KANK1: variants seen among roughly 807,000 people sequenced by gnomAD.
KANK1 encodes the protein KN motif and ankyrin repeat domains 1, also known as KN motif and ankyrin repeat domain-containing protein 1.
In KANK1, 109 loss-of-function variants were observed where a neutral mutation model predicts 106.2. The ratio of observed to expected loss-of-function variants is 1.03; its 90% CI spans 0.88 to 1.20. KANK1 has a LOEUF of 1.20. Ranked by LOEUF, KANK1 falls within the 50% of genes most tolerant of loss-of-function variation. The probability of loss-of-function intolerance (pLI) is 0.00; values close to 1 mark genes in which losing one functional copy is unlikely to be tolerated. For missense variants in KANK1, 2,399 were observed against 1,710.7 expected (o/e 1.40, Z -7.10); for synonymous variants, 873 against 652.2 (o/e 1.34, Z -5.16).
chr9:528,522 C>T (rs113498221), intron 1 of KANK1, among the ~76,000 whole-genome samples: 24 of 139,944 alleles, frequency 1.7e-4, no homozygotes, highest in African/African-American at 5.6e-4. Context: ...CACTCTGTCA[C>T]CCAGGCTGGA....
intron 1 of KANK1, among the ~76,000 whole-genome samples, chr9:604,088 A>AC (rs1828476834): frequency 6.6e-6 from 1 of 151,616 alleles, no homozygotes; most frequent in South Asian, 2.1e-4. Flanking sequence ...AAGTTGGGGT[A>AC]CCAGTTCATA....
Position 671,519 on chromosome 9 carries a change from G to A in KANK1, c.-83-5371G>A. On this transcript the variant is annotated intron_variant, in intron 1 of 11. Transcript: ENST00000382297. Reference sequence around the variant, plus strand: ...ATTAGCTGGACGTGGTGGAGGCTGAGGCAGGAGAATGGCGTGAACCCGGGA... The same window carrying A: ...ATTAGCTGGACGTGGTGGAGGCTGAAGCAGGAGAATGGCGTGAACCCGGGA... 3.8e-4 allele frequency among the ~76,000 whole-genome samples: 3 copies of A among 7,874 alleles called. No individual in the cohort carries two copies. In the South Asian group the frequency reaches 0.015, roughly 40 times the overall value. The allele number at this position is 7,874 out of a possible 152,430, so 5.2% of individuals were successfully genotyped here. A position where few individuals can be genotyped will look rare whatever the true frequency, so the allele number is the denominator to read the frequency against.
chr9:714,789 T>A (rs1827241222), intron 3 of KANK1, among the ~76,000 whole-genome samples: 1 of 152,130 alleles, frequency 6.6e-6, no homozygotes, highest in Non-Finnish European at 1.5e-5. Context: ...TTACAGTAAT[T>A]CCCTGTGAGC....
At chr9:744,424 G>A (rs1589383305) in intron 10 of KANK1, 67 bp from the exon 11 acceptor site, 2 of 1,543,552 alleles carry the variant, frequency 1.3e-6, no homozygotes, top group Non-Finnish European at 1.8e-6. Flanking sequence ...GTTTTGTTCT[G>A]TTACCTTTCG....
intron 1 of KANK1, among the ~76,000 whole-genome samples, chr9:600,497 A>G (rs72689662): frequency 0.059 from 8,926 of 151,964 alleles, 421 homozygotes; most frequent in African/African-American, 0.093. Flanking sequence ...TAACATACGT[A>G]ATAATCTAAA....
intron 2 of KANK1, chr9:693,831 T>C (rs540202077): frequency 4.6e-5 from 45 of 984,236 alleles, no homozygotes; most frequent in Admixed American, 6.1e-5. Context: ...GAGAGCATGA[T>C]GTTTGGGTGG....
chr9:694,257 T>G (rs1416205786), intron 2 of KANK1, among the ~76,000 whole-genome samples: 1 of 152,210 alleles, frequency 6.6e-6, no homozygotes, highest in Non-Finnish European at 1.5e-5. Context: ...ACTGTAATGT[T>G]TTGTTAGAAA....
At chr9:683,409 A>G (rs1041669577) in intron 2 of KANK1, among the ~76,000 whole-genome samples, 15 of 152,184 alleles carry the variant, frequency 9.9e-5, no homozygotes, top group African/African-American at 3.6e-4. Flanking sequence ...GCACGTAGGT[A>G]AGAACTAAAA....
intron 1 of KANK1, among the ~76,000 whole-genome samples, chr9:672,072 C>T (rs911809992): frequency 6.6e-6 from 1 of 152,226 alleles, no homozygotes; most frequent in African/African-American, 2.4e-5. Flanking sequence ...ATATGCATCA[C>T]TCATTTATGC....
At chr9:742,484 G>C in intron 10 of KANK1, 79 bp downstream of exon 10, 2 of 1,122,166 alleles carry the variant, frequency 1.8e-6, no homozygotes, top group Admixed American at 2.3e-5. Flanking sequence ...CTTTTGGCCA[G>C]GAGCGACCAA....
chr9:651,854 C>T (rs1316380307), intron 1 of KANK1, among the ~76,000 whole-genome samples: 1 of 152,110 alleles, frequency 6.6e-6, no homozygotes, highest in African/African-American at 2.4e-5. Flanking sequence ...ATATAAATTG[C>T]TCTGAGCCAG....
At chr9:632,292 A>G (rs1450393103) in intron 1 of KANK1, among the ~76,000 whole-genome samples, 2 of 152,184 alleles carry the variant, frequency 1.3e-5, no homozygotes, top group Non-Finnish European at 2.9e-5. Flanking sequence ...ATCTAGGATG[A>G]TACATCTACA....
At chr9:706,973 A>G in intron 2 of KANK1, 1 of 985,478 alleles carries the variant, frequency 1.0e-6, no homozygotes, top group Non-Finnish European at 1.2e-6. Context: ...AAGAACACAC[A>G]TTTTCAGAAG....
chr9:664,358 A>G (rs1242997972), intron 1 of KANK1, among the ~76,000 whole-genome samples: 1 of 152,172 alleles, frequency 6.6e-6, no homozygotes, highest in East Asian at 1.9e-4. Flanking sequence ...CACTGAACAT[A>G]ATGACCCCCA....
intron 1 of KANK1, among the ~76,000 whole-genome samples, chr9:516,303 G>A (rs769147466): frequency 4.0e-5 from 6 of 151,632 alleles, no homozygotes. Flanking sequence ...TCAGGAGTAG[G>A]AGGAAAGTTT....
intron 1 of KANK1, among the ~76,000 whole-genome samples, chr9:513,601 T>G (rs2059128325): frequency 6.6e-6 from 1 of 152,256 alleles, no homozygotes; most frequent in African/African-American, 2.4e-5. Flanking sequence ...TTGATATTTG[T>G]CTTACTAATA....
intron 1 of KANK1, among the ~76,000 whole-genome samples, chr9:528,469 CTTTTTTTTTTTTTTTT>C (rs36072780): frequency 3.5e-5 from 3 of 85,126 alleles, no homozygotes; most frequent in South Asian, 4.9e-4. Flanking sequence ...TAAAAAATAA[CTTTTTTTTTTTTTTTT>C]TTTTTTTTTT....
intron 1 of KANK1, among the ~76,000 whole-genome samples, chr9:598,482 C>G (rs1382599145): frequency 6.6e-6 from 1 of 151,380 alleles, no homozygotes; most frequent in East Asian, 1.9e-4. Context: ...TTAAGACTTC[C>G]AATCCATGAA....
chr9:594,629 T>G (rs375253585), intron 1 of KANK1, among the ~76,000 whole-genome samples: 2 of 151,996 alleles, frequency 1.3e-5, no homozygotes, highest in East Asian at 3.9e-4. Flanking sequence ...TGTCTTAAGA[T>G]ACAATGAAAT....
Sources: allele counts gnomAD v4.1 joint callset (sites outside exome capture counted in the v4.1 genomes callset), GRCh38; gene constraint gnomAD v4.1.1; transcripts MANE v1.5; gene names NCBI Gene and HGNC (gene_info 2026-07-23, HGNC 2026-07-21).